ADGRF5: variants seen among roughly 807,000 people sequenced by gnomAD.
ADGRF5 encodes the protein adhesion G protein-coupled receptor F5, also known as G-protein coupled receptor 116.
Under a neutral mutation model 132.3 loss-of-function variants are expected in ADGRF5, and 75 were observed. The observed-to-expected ratio is 0.57, with a 90% CI of 0.47 to 0.69. The LOEUF (loss-of-function observed/expected upper bound fraction) is 0.69, where lower values mean the gene tolerates loss of function less well. ADGRF5 is among the 30% of genes least tolerant of loss of function. The pLI is 0.00. For synonymous variants in ADGRF5, 629 were observed against 597.6 expected, an observed-to-expected ratio of 1.05 and a Z score of -0.77; for missense variants, 1,516 against 1,630.6, an observed-to-expected ratio of 0.93 and a Z score of 1.21.
intron 1 of ADGRF5, among the ~76,000 whole-genome samples, chr6:46,938,817 G>C (rs1225670349): frequency 2.6e-5 from 4 of 151,762 alleles, no homozygotes; most frequent in Non-Finnish European, 5.9e-5. Flanking sequence ...CTACCACAGA[G>C]TCCTTCACAA....
intron 1 of ADGRF5, among the ~76,000 whole-genome samples, chr6:46,941,467 AAAGAAAAGAAAAGAAAAGAAAGAAAAG>A (rs1561839055): frequency 2.5e-4 from 6 of 24,446 alleles, no homozygotes; most frequent in Non-Finnish European, 6.8e-4. Flanking sequence ...AAAAGAAAAG[AAAGAAAAGAAAAGAAAAGAAAGAAAAG>A]AAAGGCAGGC....
At chr6:46,857,394 C>T (rs1288789403) in intron 17 of ADGRF5, among the ~76,000 whole-genome samples, 1 of 152,108 alleles carries the variant, frequency 6.6e-6, no homozygotes, top group African/African-American at 2.4e-5. Context: ...CAGCCTCTGC[C>T]TCTTCACAAG....
chr6:46,947,115 T>C (rs772537839), intron 1 of ADGRF5, among the ~76,000 whole-genome samples: 6 of 152,196 alleles, frequency 3.9e-5, no homozygotes, highest in Non-Finnish European at 8.8e-5. Flanking sequence ...CTAGTAGAGT[T>C]CAGACACATA....
intron 3 of ADGRF5, among the ~76,000 whole-genome samples, chr6:46,894,141 T>A (rs1773939736): frequency 6.6e-6 from 1 of 152,206 alleles, no homozygotes; most frequent in Non-Finnish European, 1.5e-5. Flanking sequence ...CATTGATGGT[T>A]TGGCTCTCCT....
upstream of ADGRF5, among the ~76,000 whole-genome samples, chr6:46,924,647 T>C (rs1777162936): frequency 6.6e-6 from 1 of 152,202 alleles, no homozygotes; most frequent in African/African-American, 2.4e-5. Context: ...GCTTACTTGA[T>C]ATCTCCTTTC....
intron 1 of ADGRF5, among the ~76,000 whole-genome samples, chr6:46,907,484 C>T (rs1056323995): frequency 5.3e-5 from 8 of 151,954 alleles, no homozygotes; most frequent in African/African-American, 1.2e-4. Context: ...GGATTACAGA[C>T]GTAAGTCATC....
At chr6:46,880,210 G>T (rs931118329) in intron 8 of ADGRF5, among the ~76,000 whole-genome samples, 171 bp from the exon 9 acceptor site, 1 of 152,218 alleles carries the variant, frequency 6.6e-6, no homozygotes. Flanking sequence ...TGGTGTCTGA[G>T]CCCTGAGGAG....
At chr6:46,941,695 A>G (rs1277434260) in intron 1 of ADGRF5, among the ~76,000 whole-genome samples, 1 of 151,158 alleles carries the variant, frequency 6.6e-6, no homozygotes. Context: ...GAAACTATTG[A>G]TGGTCCCCAG....
intron 1 of ADGRF5, among the ~76,000 whole-genome samples, chr6:46,917,894 T>C (rs1776565324): frequency 6.6e-6 from 1 of 152,248 alleles, no homozygotes; most frequent in Admixed American, 6.5e-5. Flanking sequence ...ACTTCAAGTA[T>C]AATAATTAAA....
At chr6:46,953,685 A>ATATATATATATATATATATATATATATC (rs1326327311) in intron 1 of ADGRF5, among the ~76,000 whole-genome samples, 1 of 126,956 alleles carries the variant, frequency 7.9e-6, no homozygotes, top group African/African-American at 2.9e-5. Context: ...ATATATATAT[A>ATATATATATATATATATATATATATATC]TATATCTCAC....
intron 19 of ADGRF5, among the ~76,000 whole-genome samples, 179 bp downstream of exon 19, chr6:46,856,538 CA>C (rs1769067655): frequency 6.6e-6 from 1 of 152,082 alleles, no homozygotes; most frequent in South Asian, 2.1e-4. Flanking sequence ...ACTTGAGAAG[CA>C]AAAACAATGG....
chr6:46,953,053 G>T (rs1217281091), intron 1 of ADGRF5, among the ~76,000 whole-genome samples: 1 of 152,148 alleles, frequency 6.6e-6, no homozygotes, highest in African/African-American at 2.4e-5. Context: ...GGAAATGCAA[G>T]GTACTTAGTT....
At chr6:46,925,006 C>G (rs1445458614), upstream of ADGRF5, among the ~76,000 whole-genome samples, 3 of 152,190 alleles carry the variant, frequency 2.0e-5, no homozygotes, top group Non-Finnish European at 4.4e-5. Flanking sequence ...ATAGTCTGTT[C>G]TGAAGACTGC....
intron 15 of ADGRF5, among the ~76,000 whole-genome samples, chr6:46,862,554 A>C (rs907479231): frequency 6.6e-6 from 1 of 152,058 alleles, no homozygotes; most frequent in African/African-American, 2.4e-5. Flanking sequence ...CTTGGTATCA[A>C]AATTACTCAA....
chr6:46,893,057 G>GTTTT (rs1292781793), intron 3 of ADGRF5, among the ~76,000 whole-genome samples: 7 of 85,260 alleles, frequency 8.2e-5, no homozygotes, highest in Non-Finnish European at 1.3e-4. Flanking sequence ...GGACAACAGG[G>GTTTT]ATTTTTTTTT....
chr6:46,867,941 T>A (rs679136), intron 12 of ADGRF5, among the ~76,000 whole-genome samples: 127,049 of 152,214 alleles, frequency 0.83, 54,877 homozygotes, highest in East Asian at 0.99. Flanking sequence ...GGTTATTGGC[T>A]TTTAGTAGGA....
rs762934792 is a variant in ADGRF5 at position 46,863,181 on chromosome 6, G to T, written c.1991-85C>A. 6.7e-5 allele frequency: 69 copies of T among 1,030,102 alleles called. 1 individual carries two copies. In the South Asian group the frequency reaches 8.8e-4, roughly 13 times the overall value. The allele number at this position is 1,030,102 out of a possible 1,614,324, so 63.8% of individuals were successfully genotyped here. ...TACGGTCAGGCCAAGGTAGAATTTT[G>T]ATGTTTGAATTCACATTTACCTTTA... On this transcript the variant is annotated intron_variant, in intron 14 of 20. Coordinates refer to ENST00000283296, the MANE Select transcript of ADGRF5 (RefSeq NM_001098518.2).
At chr6:46,869,230 C>A in intron 11 of ADGRF5, 138 bp from the exon 12 acceptor site, 2 of 1,482,082 alleles carry the variant, frequency 1.3e-6, no homozygotes, top group Middle Eastern at 2.4e-4. Context: ...CTACTCATGT[C>A]AAGGTAGAAT....
chr6:46,880,172 G>A (rs1357417441), intron 8 of ADGRF5, 133 bp from the exon 9 acceptor site: 1 of 659,738 alleles, frequency 1.5e-6, no homozygotes, highest in Non-Finnish European at 2.7e-6. Context: ...CTGAGGCAAT[G>A]TGTCTCCTCA....
Sources: gnomAD v4.1 joint callset for allele counts (sites outside exome capture counted in the v4.1 genomes callset) on GRCh38, gnomAD v4.1.1 for gene constraint, MANE v1.5 for transcripts, NCBI Gene and HGNC (gene_info 2026-07-23, HGNC 2026-07-21) for gene names.